CLDN18: variants seen among roughly 807,000 people sequenced by gnomAD.
CLDN18 encodes the protein claudin-18.
A neutral mutation model predicts 25.0 loss-of-function variants in CLDN18; 20 were observed. That is an observed-to-expected ratio of 0.80 (90% CI 0.56 to 1.16). The LOEUF is 1.16. Among genes scored for constraint, CLDN18 ranks in the 50% most tolerant of loss-of-function variants. CLDN18 has a pLI of 0.00. For missense variants in CLDN18, 297 were observed against 345.4 expected (o/e 0.86, Z 1.11); for synonymous variants, 125 against 135.6 (o/e 0.92, Z 0.54).
intron 3 of CLDN18, among the ~76,000 whole-genome samples, chr3:138,028,065 CTT>C (rs527721365): frequency 2.7e-5 from 4 of 145,536 alleles, no homozygotes; most frequent in Non-Finnish European, 3.0e-5. Context: ...TGTGTGCTTT[CTT>C]TTTTTTTTTT....
At chr3:138,018,340 T>A (rs1371414608) in intron 1 of CLDN18, among the ~76,000 whole-genome samples, 7 of 148,246 alleles carry the variant, frequency 4.7e-5, no homozygotes, top group African/African-American at 7.5e-5. Context: ...AAGGCCTTTT[T>A]TTTTTTTTTT....
chr3:138,027,424 A>T (rs1394761206), intron 3 of CLDN18, among the ~76,000 whole-genome samples: 3 of 152,212 alleles, frequency 2.0e-5, no homozygotes, highest in African/African-American at 7.2e-5. Flanking sequence ...GTCTAAGTTG[A>T]GGAAAAGGAC....
At chr3:138,002,768 C>A (rs537039801) in intron 1 of CLDN18, among the ~76,000 whole-genome samples, 87 of 152,274 alleles carry the variant, frequency 5.7e-4, no homozygotes, top group Non-Finnish European at 1.1e-3. Flanking sequence ...CCTTCCTGGG[C>A]AAAGTCATTT....
intron 1 of CLDN18, 59 bp downstream of exon 1, chr3:138,010,504 G>C (rs372332058): frequency 6.9e-6 from 11 of 1,596,116 alleles, no homozygotes; most frequent in African/African-American, 2.7e-5. Context: ...GGAAGGGGGC[G>C]TTTGCGTTAA....
chr3:138,012,689 A>T (rs1942148669), intron 1 of CLDN18, among the ~76,000 whole-genome samples: 1 of 152,262 alleles, frequency 6.6e-6, no homozygotes, highest in Non-Finnish European at 1.5e-5. Context: ...ACCCCGCGTG[A>T]CACTGCTCTC....
chr3:138,010,203 C>T lies in CLDN18; in HGVS notation c.-23C>T, dbSNP rs780656234. ...CAGGAGGGCGGCAGCTTCTCGCAGG[C>T]GGCAGGGCGGGCGGCCAGGATCATG... On this transcript the variant is annotated 5_prime_UTR_variant, in exon 1 of 5. Coordinates refer to ENST00000183605, the MANE Select transcript of CLDN18 (RefSeq NM_016369.4). The T allele has an allele frequency of 6.2e-7, 1 of 1,606,574 alleles. No homozygotes were observed. Among genetic ancestry groups the T allele is most frequent in the Non-Finnish European group, 8.5e-7 (1 of 1,176,310 alleles).
upstream of CLDN18, chr3:138,009,887 G>T (rs746254711): frequency 6.7e-6 from 2 of 299,448 alleles, no homozygotes; most frequent in Non-Finnish European, 1.3e-5. Flanking sequence ...CTTTTCTCCA[G>T]ATGGCGGCGC....
Position 138,001,648 on chromosome 3 carries a change from CGT to C in CLDN18, c.220+2566_220+2567del, listed in dbSNP as rs1559802428. ...CTACCTGTTATGCCTTCTCTTAAAA[CGT>C]GTGTGCGCATGTGTGTGTGTAAAAT... On this transcript the variant is annotated intron_variant, in intron 1 of 4. Transcript: ENST00000343735. 2.6e-5 allele frequency among the ~76,000 whole-genome samples: 4 copies of C among 152,132 alleles called. No homozygotes were observed. The South Asian group carries it at 8.3e-4, about 32-fold the overall frequency.
Position 138,030,699 on chromosome 3 carries a change from A to C in CLDN18, c.615-271A>C, listed in dbSNP as rs1233713946. Among the ~76,000 whole-genome samples the C allele has an allele frequency of 3.9e-5, 6 of 152,312 alleles. No individual in the cohort carries two copies. The East Asian group carries it at 1.2e-3, about 29-fold the overall frequency. On this transcript the variant is annotated intron_variant, in intron 4 of 4. Transcript: ENST00000183605. Reference sequence around the variant, plus strand: ...CTCTCTCCACCATCCAAAAATGTCCATTTGGAATCACAATTATTTTATTCT... The same window carrying C: ...CTCTCTCCACCATCCAAAAATGTCCCTTTGGAATCACAATTATTTTATTCT...
chr3:138,001,294 T>G (rs770204423), intron 1 of CLDN18, among the ~76,000 whole-genome samples: 1 of 151,974 alleles, frequency 6.6e-6, no homozygotes, highest in African/African-American at 2.4e-5. Context: ...CCTCATCTCT[T>G]GCCTAAGTCT....
chr3:138,028,377 T>G (rs1212585016), intron 3 of CLDN18, among the ~76,000 whole-genome samples: 2 of 152,236 alleles, frequency 1.3e-5, no homozygotes, highest in East Asian at 3.8e-4. Context: ...TGTGTGTGCT[T>G]TTAAAGCACA....
chr3:138,014,717 AT>A (rs1942184373), intron 1 of CLDN18, among the ~76,000 whole-genome samples: 2 of 152,166 alleles, frequency 1.3e-5, no homozygotes, highest in Non-Finnish European at 2.9e-5. Context: ...ATCACTGAAA[AT>A]CTGTGGCCTT....
intron 1 of CLDN18, 138 bp from the exon 2 acceptor site, chr3:138,023,518 TCA>T (rs1477269833): frequency 2.9e-6 from 2 of 693,150 alleles, no homozygotes; most frequent in African/African-American, 1.8e-5. Flanking sequence ...ATGGCAAGGT[TCA>T]CAGTTTATGG....
rs1942114955 is a variant in CLDN18 at position 138,010,172 on chromosome 3, C to T, written c.-54C>T. On this transcript the variant is annotated 5_prime_UTR_variant, in exon 1 of 5. Transcript: ENST00000183605. ...CAGGAGCGCGTTAGCTTCACACCTTCGGCAGCAGGAGGGCGGCAGCTTCTC... is the reference window on the plus strand; with the variant it reads ...CAGGAGCGCGTTAGCTTCACACCTTTGGCAGCAGGAGGGCGGCAGCTTCTC... 2 of 1,585,788 alleles carry T rather than the reference C, an allele frequency of 1.3e-6. No individual in the cohort carries two copies. The highest frequency in any genetic ancestry group is 1.8e-5 in the Admixed American group (1 of 57,102).
intron 1 of CLDN18, chr3:137,999,161 CA>C: frequency 7.4e-7 from 1 of 1,353,210 alleles, no homozygotes; most frequent in Non-Finnish European, 1.1e-6. Flanking sequence ...TCTGTCTGGG[CA>C]CCACGACAGG....
chr3:138,027,087 CTT>C (rs1942335972), intron 3 of CLDN18, among the ~76,000 whole-genome samples: 1 of 152,210 alleles, frequency 6.6e-6, no homozygotes, highest in South Asian at 2.1e-4. Flanking sequence ...TACAAGGAGA[CTT>C]CACCCCACAC....
intron 2 of CLDN18, among the ~76,000 whole-genome samples, chr3:138,024,371 T>A (rs1417369419): frequency 6.6e-6 from 1 of 152,184 alleles, no homozygotes; most frequent in East Asian, 1.9e-4. Context: ...GGTCCCAAGA[T>A]GCATGAAAAA....
At chr3:137,999,501 C>T (rs1241792430) in intron 1 of CLDN18, among the ~76,000 whole-genome samples, 1 of 152,180 alleles carries the variant, frequency 6.6e-6, no homozygotes, top group East Asian at 1.9e-4. Context: ...CTTCAGGCCT[C>T]CTTGTGCCTG....
At chr3:137,998,843 GCT>G (rs1351186189) in exon 1 of CLDN18, 2 of 1,610,890 alleles carry the variant, frequency 1.2e-6, no homozygotes, top group South Asian at 2.2e-5. Context: ...TTGTCGTGTG[GCT>G]CTGTGTCGAC....
Sources: allele counts gnomAD v4.1 joint callset (sites outside exome capture counted in the v4.1 genomes callset), GRCh38; gene constraint gnomAD v4.1.1; transcripts MANE v1.5; gene names NCBI Gene and HGNC (gene_info 2026-07-23, HGNC 2026-07-21).